ADAMTSL1: variants seen among roughly 807,000 people sequenced by gnomAD.
ADAMTSL1 encodes the protein ADAMTS like 1.
A neutral mutation model predicts 201.8 loss-of-function variants in ADAMTSL1; 126 were observed. The ratio of observed to expected loss-of-function variants is 0.62; its 90% CI spans 0.54 to 0.72. ADAMTSL1 has a LOEUF of 0.72. Among genes scored for constraint, ADAMTSL1 ranks in the 30% least tolerant of loss-of-function variants. The pLI is 0.00. For missense variants in ADAMTSL1, 2,679 were observed against 2,277.8 expected (o/e 1.18, Z -3.59); for synonymous variants, 1,121 against 903.4 (o/e 1.24, Z -4.32).
At chr9:17,919,379 T>A (rs1323196911) in intron 1 of ADAMTSL1, among the ~76,000 whole-genome samples, 1 of 152,012 alleles carries the variant, frequency 6.6e-6, no homozygotes, top group Non-Finnish European at 1.5e-5. Context: ...GTTCATTGGT[T>A]TTTATTATAT....
chr9:18,801,517 GCT>G (rs1205166027), intron 20 of ADAMTSL1, among the ~76,000 whole-genome samples: 1 of 151,910 alleles, frequency 6.6e-6, no homozygotes, highest in Admixed American at 6.6e-5. Flanking sequence ...TTTCAGCTCC[GCT>G]CTCTCCTCCC....
intron 2 of ADAMTSL1, among the ~76,000 whole-genome samples, chr9:18,269,415 T>C (rs1197283403): frequency 2.0e-5 from 3 of 152,162 alleles, no homozygotes; most frequent in African/African-American, 7.2e-5. Context: ...GTCCTACAAA[T>C]AAACTTGACA....
At chr9:18,314,347 A>C (rs908421511) in intron 2 of ADAMTSL1, among the ~76,000 whole-genome samples, 1 of 152,154 alleles carries the variant, frequency 6.6e-6, no homozygotes, top group African/African-American at 2.4e-5. Context: ...CGCTGACTTC[A>C]AGAATGAAGC....
chr9:18,854,292 T>C (rs954371234), intron 23 of ADAMTSL1, among the ~76,000 whole-genome samples: 1 of 152,188 alleles, frequency 6.6e-6, no homozygotes, highest in Admixed American at 6.5e-5. Flanking sequence ...TTGGCATTGA[T>C]ATTGTTAATA....
chr9:18,640,671 A>T (rs1316836939), intron 7 of ADAMTSL1, among the ~76,000 whole-genome samples: 2 of 152,028 alleles, frequency 1.3e-5, no homozygotes, highest in Non-Finnish European at 2.9e-5. Context: ...TTTTAATCTT[A>T]TAAATGAAGA....
intron 23 of ADAMTSL1, among the ~76,000 whole-genome samples, chr9:18,872,079 C>G (rs1263645282): frequency 6.6e-6 from 1 of 152,186 alleles, no homozygotes; most frequent in Non-Finnish European, 1.5e-5. Flanking sequence ...TGCACCTTTG[C>G]TTACACTGCT....
At chr9:17,969,525 A>C (rs1048790410) in intron 1 of ADAMTSL1, among the ~76,000 whole-genome samples, 3 of 152,094 alleles carry the variant, frequency 2.0e-5, no homozygotes, top group African/African-American at 7.2e-5. Context: ...ATACAGCAAT[A>C]GTTTTTCCTT....
intron 1 of ADAMTSL1, among the ~76,000 whole-genome samples, chr9:18,487,037 GT>G (rs1386673325): frequency 6.6e-6 from 1 of 152,188 alleles, no homozygotes; most frequent in Non-Finnish European, 1.5e-5. Context: ...GGTAAAAGAT[GT>G]AGCATTAATG....
At chr9:18,458,151 TAG>T (rs1820677804) in intron 2 of ADAMTSL1, among the ~76,000 whole-genome samples, 1 of 152,292 alleles carries the variant, frequency 6.6e-6, no homozygotes, top group African/African-American at 2.4e-5. Flanking sequence ...GAAGTAATTA[TAG>T]AGTTTGAAGG....
intron 19 of ADAMTSL1, among the ~76,000 whole-genome samples, chr9:18,789,902 C>G (rs1821924546): frequency 6.6e-6 from 1 of 152,134 alleles, no homozygotes; most frequent in South Asian, 2.1e-4. Flanking sequence ...AGGATACACC[C>G]ACAATTTCTA....
At chr9:17,938,004 T>G (rs1827084627) in intron 1 of ADAMTSL1, among the ~76,000 whole-genome samples, 1 of 152,166 alleles carries the variant, frequency 6.6e-6, no homozygotes, top group South Asian at 2.1e-4. Context: ...GAGTTAAGCA[T>G]AAATGAATCA....
At chr9:18,825,415 G>C (rs1588173291) in intron 21 of ADAMTSL1, among the ~76,000 whole-genome samples, 2 of 152,066 alleles carry the variant, frequency 1.3e-5, no homozygotes, top group East Asian at 3.9e-4. Context: ...CTTTTCCTGT[G>C]GTTCTACTGA....
intron 20 of ADAMTSL1, among the ~76,000 whole-genome samples, chr9:18,796,079 G>T (rs1381375038): frequency 1.3e-5 from 2 of 152,148 alleles, no homozygotes; most frequent in African/African-American, 4.8e-5. Flanking sequence ...AATACATTCT[G>T]CACATGGTGA....
At chr9:18,300,566 A>G (rs1407520261) in intron 2 of ADAMTSL1, among the ~76,000 whole-genome samples, 1 of 152,246 alleles carries the variant, frequency 6.6e-6, no homozygotes, top group Non-Finnish European at 1.5e-5. Context: ...CCTATGTATC[A>G]AAACTGCACG....
At chr9:18,278,823 C>T (rs1832682537) in intron 2 of ADAMTSL1, among the ~76,000 whole-genome samples, 1 of 152,054 alleles carries the variant, frequency 6.6e-6, no homozygotes, top group South Asian at 2.1e-4. Flanking sequence ...CTCATAAGTT[C>T]TCTAGGCTTT....
intron 2 of ADAMTSL1, among the ~76,000 whole-genome samples, chr9:18,213,426 G>A (rs1340367203): frequency 2.6e-5 from 4 of 152,190 alleles, no homozygotes; most frequent in Non-Finnish European, 5.9e-5. Flanking sequence ...CAAACTCCCA[G>A]CGCCCTCTAG....
At chr9:17,914,759 A>C (rs563500669) in intron 1 of ADAMTSL1, among the ~76,000 whole-genome samples, 1 of 152,032 alleles carries the variant, frequency 6.6e-6, no homozygotes, top group Non-Finnish European at 1.5e-5. Context: ...ACATGATTGT[A>C]TATCTAGAAA....
chr9:18,723,070 A>C (rs748939406), intron 15 of ADAMTSL1: 26 of 779,116 alleles, frequency 3.3e-5, no homozygotes, highest in South Asian at 2.4e-4. Flanking sequence ...TTAGGCAACC[A>C]AGAGGCCTGG....
chr9:18,900,743 G>C (rs1037835678), intron 26 of ADAMTSL1, among the ~76,000 whole-genome samples: 1 of 150,600 alleles, frequency 6.6e-6, no homozygotes, highest in African/African-American at 2.4e-5. Flanking sequence ...TGGACACACT[G>C]GGGGGAAACA....
Sources: allele counts gnomAD v4.1 joint callset (sites outside exome capture counted in the v4.1 genomes callset), GRCh38; gene constraint gnomAD v4.1.1; transcripts MANE v1.5; gene names NCBI Gene and HGNC (gene_info 2026-07-23, HGNC 2026-07-21).